BMPR1B: variants seen among roughly 807,000 people sequenced by gnomAD.
The protein encoded by BMPR1B is bone morphogenetic protein receptor type-1B.
In BMPR1B, 12 loss-of-function variants were observed where a neutral mutation model predicts 59.1. The observed-to-expected ratio is 0.20, with a 90% CI of 0.13 to 0.33. BMPR1B has a LOEUF of 0.33. BMPR1B is among the 10% of genes least tolerant of loss of function. The pLI is 1.00. For synonymous variants in BMPR1B, 237 were observed against 207.3 expected, an observed-to-expected ratio of 1.14 and a Z score of -1.23; for missense variants, 550 against 610.9, an observed-to-expected ratio of 0.90 and a Z score of 1.05.
intron 2 of BMPR1B, among the ~76,000 whole-genome samples, chr4:94,982,190 C>A (rs1721119198): frequency 6.6e-6 from 1 of 151,966 alleles, no homozygotes; most frequent in Non-Finnish European, 1.5e-5. Context: ...TCATTTTCAC[C>A]TAAATTATTT....
chr4:95,127,020 G>A (rs898406817), intron 8 of BMPR1B, among the ~76,000 whole-genome samples: 6 of 131,558 alleles, frequency 4.6e-5, no homozygotes, highest in Non-Finnish European at 8.5e-5. Context: ...AAATAATATC[G>A]TAGGGCTGTT....
At chr4:94,953,254 A>T (rs1186681038) in intron 2 of BMPR1B, among the ~76,000 whole-genome samples, 1 of 152,132 alleles carries the variant, frequency 6.6e-6, no homozygotes, top group Non-Finnish European at 1.5e-5. Context: ...CATTTAGCCC[A>T]TTTACATTTA....
intron 3 of BMPR1B, among the ~76,000 whole-genome samples, chr4:95,013,284 G>C (rs1252026576): frequency 6.6e-6 from 1 of 152,008 alleles, no homozygotes; most frequent in East Asian, 1.9e-4. Context: ...GCCCTGCAAG[G>C]CTAGTTCCTG....
intron 10 of BMPR1B, among the ~76,000 whole-genome samples, chr4:95,147,206 A>T (rs1734715197): frequency 6.6e-6 from 1 of 152,156 alleles, no homozygotes; most frequent in South Asian, 2.1e-4. Context: ...ATCTTATCTA[A>T]AACATAAAAT....
chr4:94,789,781 A>G (rs1224715402), intron 1 of BMPR1B, among the ~76,000 whole-genome samples: 1 of 149,782 alleles, frequency 6.7e-6, no homozygotes, highest in Non-Finnish European at 1.5e-5. Context: ...ATCTTAGTAC[A>G]GTAAATCATA....
intron 2 of BMPR1B, among the ~76,000 whole-genome samples, chr4:94,882,781 T>A (rs971207307): frequency 6.6e-6 from 1 of 152,170 alleles, no homozygotes; most frequent in African/African-American, 2.4e-5. Context: ...AATTGTTTTT[T>A]GTAAAGATTG....
At chr4:95,112,831 T>C (rs1156610084) in intron 4 of BMPR1B, among the ~76,000 whole-genome samples, 1 of 152,132 alleles carries the variant, frequency 6.6e-6, no homozygotes, top group Non-Finnish European at 1.5e-5. Context: ...TTCTGTTCCA[T>C]TTCTTTTTTA....
intron 2 of BMPR1B, among the ~76,000 whole-genome samples, chr4:94,908,450 T>C (rs528117165): frequency 1.3e-5 from 2 of 152,110 alleles, no homozygotes; most frequent in South Asian, 2.1e-4. Context: ...CTTCTCTCAG[T>C]GGCCCCGTCT....
intron 2 of BMPR1B, among the ~76,000 whole-genome samples, chr4:94,962,072 T>TTCCTTCCTTCCTTCC (rs1730380757): frequency 8.5e-6 from 1 of 117,960 alleles, no homozygotes; most frequent in African/African-American, 3.5e-5. Context: ...CTTTCTTTTC[T>TTCCTTCCTTCCTTCC]TTCCTTCCTT....
chr4:95,131,537 A>G (rs561788704), intron 10 of BMPR1B, 25 bp downstream of exon 10: 2 of 1,611,314 alleles, frequency 1.2e-6, no homozygotes, highest in Admixed American at 1.7e-5. Context: ...GAACAAATAC[A>G]TGTTTTATGA....
chr4:94,799,681 G>GTTTTGT (rs750362352), intron 1 of BMPR1B, among the ~76,000 whole-genome samples: 10 of 150,852 alleles, frequency 6.6e-5, no homozygotes, highest in South Asian at 4.2e-4. Flanking sequence ...CTTTTTAGTT[G>GTTTTGT]TTTTGTTTTT....
chr4:94,833,597 C>T (rs1030521343), intron 1 of BMPR1B, among the ~76,000 whole-genome samples: 8 of 152,104 alleles, frequency 5.3e-5, no homozygotes, highest in Non-Finnish European at 1.2e-4. Flanking sequence ...CATTCTTAGC[C>T]AAATCTTTCC....
chr4:95,131,192 C>T, intron 9 of BMPR1B, 23 bp from the exon 10 acceptor site: 1 of 1,607,288 alleles, frequency 6.2e-7, no homozygotes, highest in Non-Finnish European at 8.5e-7. Flanking sequence ...AACACTAAAC[C>T]TTTTCATCTT....
Position 95,152,730 on chromosome 4 carries a change from A to G in BMPR1B, c.1340A>G (p.Lys447Arg), listed in dbSNP as rs371436999. The G allele has an allele frequency of 1.9e-6, 3 of 1,608,772 alleles. No individual in the cohort carries two copies. The highest frequency in any genetic ancestry group is 3.4e-5 in the Admixed American group (2 of 59,550). The stretch of plus-strand genomic sequence containing the variant: ...GACATGAGGGAGATTGTGTGCATCA[A>G]GAAGTTACGCCCCTCATTCCCAAAC... ...YEDMREIVCI[K>R]KLRPSFPNRW... The change falls in exon 12 of 13, where the codon AAG (lysine) becomes AGG (arginine). Residue 447 changes from lysine to arginine, a missense_variant. This residue lies in a region of BMPR1B where 123 missense variants were observed against 164.6 expected (regional missense o/e 0.75). Coordinates refer to ENST00000515059, the MANE Select transcript of BMPR1B (RefSeq NM_001203.3).
At chr4:94,793,392 C>T (rs2110606627) in intron 1 of BMPR1B, among the ~76,000 whole-genome samples, 1 of 151,276 alleles carries the variant, frequency 6.6e-6, no homozygotes, top group Non-Finnish European at 1.5e-5. Context: ...GTATATGTGC[C>T]ACATTTTCTT....
chr4:94,803,717 T>G (rs1273312529), intron 1 of BMPR1B, among the ~76,000 whole-genome samples: 3 of 152,184 alleles, frequency 2.0e-5, no homozygotes, highest in Non-Finnish European at 4.4e-5. Context: ...ATGCAGTATC[T>G]TATTTTCCGA....
intron 1 of BMPR1B, among the ~76,000 whole-genome samples, chr4:94,811,375 T>A (rs1451979326): frequency 6.6e-6 from 1 of 152,148 alleles, no homozygotes; most frequent in African/African-American, 2.4e-5. Flanking sequence ...GGGCCAGGCC[T>A]GGAGGAGTTG....
intron 1 of BMPR1B, among the ~76,000 whole-genome samples, chr4:94,807,350 C>T (rs1723642633): frequency 1.3e-5 from 2 of 152,118 alleles, no homozygotes; most frequent in Non-Finnish European, 2.9e-5. Flanking sequence ...ACCTTGGCTT[C>T]CTAAATTGCT....
chr4:95,027,803 TC>T (rs1724530198), intron 3 of BMPR1B, among the ~76,000 whole-genome samples: 1 of 152,196 alleles, frequency 6.6e-6, no homozygotes, highest in African/African-American at 2.4e-5. Context: ...TTCAATATGT[TC>T]CATACTTTTT....
Sources: gnomAD v4.1 joint callset for allele counts (sites outside exome capture counted in the v4.1 genomes callset) on GRCh38, gnomAD v4.1.1 for gene constraint, gnomAD v4.1.1 regional missense constraint, MANE v1.5 for transcripts, NCBI Gene and HGNC (gene_info 2026-07-23, HGNC 2026-07-21) for gene names.